Variants in PRELID2 observed in about 807,000 individuals in gnomAD.
The protein encoded by PRELID2 is PRELI domain containing 2.
In PRELID2, 25 loss-of-function variants were observed where a neutral mutation model predicts 28.4. That is an observed-to-expected ratio of 0.88 (90% CI 0.64 to 1.23). The LOEUF (loss-of-function observed/expected upper bound fraction) is 1.23, where lower values mean the gene tolerates loss of function less well. Among genes scored for constraint, PRELID2 ranks in the 50% most tolerant of loss-of-function variants. The pLI is 0.00. For synonymous variants in PRELID2, 76 were observed against 71.6 expected (o/e 1.06, Z -0.31); for missense variants, 201 against 214.4 (o/e 0.94, Z 0.39).
chr5:145,253,703 A>G, the PRELID2 span, among the ~76,000 whole-genome samples: 2 of 152,048 alleles, frequency 1.3e-5, no homozygotes, highest in South Asian at 2.1e-4. Context: ...AGAGGTAGGC[A>G]TATGTCCCAA....
chr5:145,267,776 A>G, the PRELID2 span, among the ~76,000 whole-genome samples: 1 of 152,158 alleles, frequency 6.6e-6, no homozygotes, highest in Non-Finnish European at 1.5e-5. Context: ...TCCTACTAAC[A>G]GTGTACAAAG....
At chr5:145,390,113 C>T in the PRELID2 span, among the ~76,000 whole-genome samples, 1 of 152,260 alleles carries the variant, frequency 6.6e-6, no homozygotes, top group East Asian at 1.9e-4. Flanking sequence ...GAGGTAAGGA[C>T]AGTGGAAGTA....
At chr5:145,804,906 T>C (rs751913628) in intron 4 of PRELID2, among the ~76,000 whole-genome samples, 1 of 152,188 alleles carries the variant, frequency 6.6e-6, no homozygotes, top group Non-Finnish European at 1.5e-5. Context: ...GGCCCAACAG[T>C]GCATGCATCC....
the PRELID2 span, among the ~76,000 whole-genome samples, chr5:145,315,465 A>G: frequency 5.9e-5 from 9 of 152,072 alleles, no homozygotes; most frequent in Admixed American, 2.6e-4. Context: ...AGAATTATGA[A>G]CATTTTAGTT....
At chr5:145,827,223 T>A (rs1184032015) in intron 1 of PRELID2, among the ~76,000 whole-genome samples, 1 of 152,190 alleles carries the variant, frequency 6.6e-6, no homozygotes, top group Non-Finnish European at 1.5e-5. Context: ...GATTTGGTGT[T>A]TAGCAGCAGA....
the PRELID2 span, among the ~76,000 whole-genome samples, chr5:145,310,878 C>G: frequency 1.3e-5 from 2 of 151,454 alleles, no homozygotes; most frequent in Non-Finnish European, 2.9e-5. Flanking sequence ...CAAACTTTCT[C>G]TAAATAAAAA....
chr5:145,510,456 T>C (rs1752451530), intron 1 of PRELID2, among the ~76,000 whole-genome samples: 1 of 152,218 alleles, frequency 6.6e-6, no homozygotes, highest in Non-Finnish European at 1.5e-5. Flanking sequence ...GTAAGAGGCC[T>C]CAGAGGGGGA....
intron 6 of PRELID2, among the ~76,000 whole-genome samples, chr5:145,761,007 T>C (rs1054491122): frequency 6.6e-6 from 1 of 152,248 alleles, no homozygotes; most frequent in Non-Finnish European, 1.5e-5. Context: ...CTAAGCTTTC[T>C]CATTTTCAAA....
chr5:145,423,405 T>A, the PRELID2 span, among the ~76,000 whole-genome samples: 3 of 152,150 alleles, frequency 2.0e-5, no homozygotes, highest in Admixed American at 2.0e-4. Context: ...TTTCACATAG[T>A]CCCATATTTC....
intron 4 of PRELID2, among the ~76,000 whole-genome samples, chr5:145,799,414 C>T (rs536080993): frequency 2.6e-5 from 4 of 152,196 alleles, no homozygotes; most frequent in African/African-American, 9.6e-5. Flanking sequence ...TGCATGGCTA[C>T]TATATGCTAA....
intron 1 of PRELID2, among the ~76,000 whole-genome samples, chr5:145,741,382 T>A (rs1400324673): frequency 2.8e-5 from 3 of 106,784 alleles, no homozygotes; most frequent in African/African-American, 3.8e-5. Context: ...AAATTTTATT[T>A]ATAAATTATT....
intron 1 of PRELID2, among the ~76,000 whole-genome samples, chr5:145,647,153 G>A (rs1032965210): frequency 1.1e-4 from 17 of 152,208 alleles, no homozygotes; most frequent in Non-Finnish European, 1.5e-5. Flanking sequence ...GTCCCAGGGA[G>A]ATGGGGGTTT....
the PRELID2 span, among the ~76,000 whole-genome samples, chr5:145,402,063 C>A: frequency 6.6e-6 from 1 of 152,162 alleles, no homozygotes; most frequent in Non-Finnish European, 1.5e-5. Context: ...CCTTATTCAT[C>A]ACCTTTCATC....
chr5:145,502,433 C>G (rs1752367882), intron 1 of PRELID2, among the ~76,000 whole-genome samples: 1 of 152,054 alleles, frequency 6.6e-6, no homozygotes, highest in Non-Finnish European at 1.5e-5. Context: ...AGTGGGGACA[C>G]AGATCCAATC....
the PRELID2 span, among the ~76,000 whole-genome samples, chr5:145,340,488 C>G: frequency 6.6e-6 from 1 of 152,082 alleles, no homozygotes; most frequent in East Asian, 1.9e-4. Context: ...GGCTTTCAGG[C>G]TGGGCATGGT....
At chr5:145,278,881 A>G in the PRELID2 span, among the ~76,000 whole-genome samples, 1 of 152,166 alleles carries the variant, frequency 6.6e-6, no homozygotes, top group Non-Finnish European at 1.5e-5. Flanking sequence ...AAGATCTTCT[A>G]GAGTTGAGGA....
At chr5:145,603,031 G>C (rs112914624) in intron 1 of PRELID2, among the ~76,000 whole-genome samples, 52 of 152,138 alleles carry the variant, frequency 3.4e-4, no homozygotes, top group African/African-American at 1.3e-3. Context: ...CAGCCTGGGT[G>C]ACAAGAGCAA....
the PRELID2 span, among the ~76,000 whole-genome samples, chr5:145,231,920 T>C: frequency 2.0e-5 from 3 of 152,244 alleles, no homozygotes; most frequent in Non-Finnish European, 4.4e-5. Context: ...TCCACTGTTT[T>C]TGTGGCTTAC....
intron 4 of PRELID2, among the ~76,000 whole-genome samples, chr5:145,802,395 T>C (rs758837643): frequency 2.6e-5 from 4 of 152,208 alleles, no homozygotes; most frequent in Non-Finnish European, 4.4e-5. Flanking sequence ...TATCTATTTT[T>C]TCTTCATTGA....
Sources: gnomAD v4.1 joint callset for allele counts (sites outside exome capture counted in the v4.1 genomes callset) on GRCh38, gnomAD v4.1.1 for gene constraint, MANE v1.5 for transcripts, NCBI Gene and HGNC (gene_info 2026-07-23, HGNC 2026-07-21) for gene names.